VAPB: variants seen among roughly 807,000 people sequenced by gnomAD.
VAPB encodes the protein VAMP associated protein B and C.
In VAPB, 7 loss-of-function variants were observed where a neutral mutation model predicts 25.6. The observed-to-expected ratio is 0.27, with a 90% CI of 0.16 to 0.51. The LOEUF (loss-of-function observed/expected upper bound fraction) is 0.51. Among genes scored for constraint, VAPB ranks in the 20% least tolerant of loss-of-function variants. VAPB has a pLI of 0.97. For synonymous variants in VAPB, 112 were observed against 109.2 expected (o/e 1.03, Z -0.16); for missense variants, 266 against 301.3 (o/e 0.88, Z 0.87).
rs1276370340 is a variant in VAPB at position 58,446,674 on chromosome 20, C to G, written c.*2439C>G. On this transcript the variant is annotated 3_prime_UTR_variant, in exon 6 of 6. Transcript: ENST00000475243. The stretch of plus-strand genomic sequence containing the variant: ...AGCTAAAAATCAGTCTCTGAAGTCT[C>G]TCTCCCTTCTAGAGGTTAGGACTTG... 3 of 454,066 alleles carry G rather than the reference C, an allele frequency of 6.6e-6. No homozygotes were observed. Among genetic ancestry groups the G allele is most frequent in the South Asian group, 3.1e-5 (2 of 64,468 alleles). 28.1% of individuals were successfully genotyped at this position (454,066 alleles called of 1,614,324 possible). A position where few individuals can be genotyped will look rare whatever the true frequency, so the allele number is the denominator to read the frequency against.
rs1343034228 is a variant in VAPB, at chr20:58,442,065, C to T, written c.573+982C>T. Among the ~76,000 whole-genome samples the T allele has an allele frequency of 2.6e-5, 4 of 152,296 alleles. No individual in the cohort carries two copies. The East Asian group carries it at 7.7e-4, about 29-fold the overall frequency. On this transcript the variant is annotated intron_variant, in intron 5 of 5. Coordinates refer to ENST00000475243, the MANE Select transcript of VAPB (RefSeq NM_004738.5). The stretch of plus-strand genomic sequence containing the variant: ...CTTGTGGTGGTGTGGAAGTTGCTCC[C>T]ATCCAATATGAAACAGCTCTGAATC...
intron 2 of VAPB, among the ~76,000 whole-genome samples, chr20:58,430,445 A>G (rs1419882845): frequency 1.3e-5 from 2 of 152,054 alleles, no homozygotes; most frequent in African/African-American, 4.8e-5. Context: ...TATTTTCAGT[A>G]GAGACAGGTT....
At chr20:58,413,650 G>A (rs1048057255) in intron 1 of VAPB, among the ~76,000 whole-genome samples, 364 of 151,880 alleles carry the variant, frequency 2.4e-3, no homozygotes, top group Non-Finnish European at 3.7e-3. Flanking sequence ...CGTTCTCAAT[G>A]AGCTGTTGGG....
rs1433896499 is a variant in VAPB, at chr20:58,446,910, A to G, written c.*2675A>G. 2.2e-6 allele frequency: 1 copy of G among 453,996 alleles called. No homozygotes were observed. The highest frequency in any genetic ancestry group is 4.4e-6 in the Non-Finnish European group (1 of 226,772). 28.1% of individuals were successfully genotyped at this position (453,996 alleles called of 1,614,324 possible). A position where few individuals can be genotyped will look rare whatever the true frequency, so the allele number is the denominator to read the frequency against. ...GTGTTTTCCCTAGAATTACATAATGAAAAAAAGAATAAGGCAAAGAGGAGG... is the reference window on the plus strand; with the variant it reads ...GTGTTTTCCCTAGAATTACATAATGGAAAAAAGAATAAGGCAAAGAGGAGG... On this transcript the variant is annotated 3_prime_UTR_variant, in exon 6 of 6. Coordinates refer to ENST00000475243, the MANE Select transcript of VAPB (RefSeq NM_004738.5).
chr20:58,419,204 C>T (rs1047095357), intron 2 of VAPB, among the ~76,000 whole-genome samples: 1 of 152,172 alleles, frequency 6.6e-6, no homozygotes, highest in African/African-American at 2.4e-5. Context: ...GAGTATCTCT[C>T]TGGCTTTTTC....
intron 1 of VAPB, among the ~76,000 whole-genome samples, chr20:58,414,973 G>A (rs1443965011): frequency 6.6e-6 from 1 of 152,246 alleles, no homozygotes; most frequent in Non-Finnish European, 1.5e-5. Flanking sequence ...CTGCAATCCC[G>A]GCACGTCGGG....
At chr20:58,417,780 C>G (rs1477607378) in intron 1 of VAPB, among the ~76,000 whole-genome samples, 1 of 152,194 alleles carries the variant, frequency 6.6e-6, no homozygotes, top group African/African-American at 2.4e-5. Context: ...TTTACGCTCT[C>G]CCTGTTAGAT....
At chr20:58,426,265 A>T (rs1003704820) in intron 2 of VAPB, among the ~76,000 whole-genome samples, 4 of 152,078 alleles carry the variant, frequency 2.6e-5, no homozygotes, top group African/African-American at 9.7e-5. Context: ...TGCCGCTCTC[A>T]TAGCTCACTG....
rs975751600 is a variant in VAPB at position 58,448,888 on chromosome 20, AAGG to A, written c.*4656_*4658del. ...AAGAATATTGCCAGTCCGTCTCGGC[AAGG>A]AGATGATGGGAGCGCTTTATATGGA... On this transcript the variant is annotated 3_prime_UTR_variant, in exon 6 of 6. Transcript: ENST00000475243. 2 of 453,964 alleles carry A rather than the reference AAGG, an allele frequency of 4.4e-6. No individual in the cohort carries two copies. Among genetic ancestry groups the A allele is most frequent in the African/African-American group, 4.0e-5 (2 of 49,992 alleles). The allele number at this position is 453,964 out of a possible 1,614,324, so 28.1% of individuals were successfully genotyped here.
intron 5 of VAPB, among the ~76,000 whole-genome samples, chr20:58,442,260 A>G (rs1989178763): frequency 6.6e-6 from 1 of 152,160 alleles, no homozygotes; most frequent in South Asian, 2.1e-4. Context: ...AGTGATTTTG[A>G]TTTGCCTCAG....
chr20:58,409,563 T>G (rs1988322087), intron 1 of VAPB, among the ~76,000 whole-genome samples: 1 of 152,100 alleles, frequency 6.6e-6, no homozygotes, highest in Non-Finnish European at 1.5e-5. Flanking sequence ...TGAAATATGG[T>G]AATTTGTTTT....
rs1276206017 is a variant in VAPB, at chr20:58,445,492, TTC to T, written c.*1259_*1260del. 8.8e-6 allele frequency: 4 copies of T among 454,376 alleles called. No homozygotes were observed. The highest frequency in any genetic ancestry group is 2.4e-5 in the Admixed American group (1 of 42,546). 28.1% of individuals were successfully genotyped at this position (454,376 alleles called of 1,614,324 possible). On this transcript the variant is annotated 3_prime_UTR_variant, in exon 6 of 6. Transcript: ENST00000475243. ...TTTATGCCATAAAAGACCAACCCAG[TTC>T]TGTTTGACTATGTAGCATCTTGAAA...
intron 1 of VAPB, among the ~76,000 whole-genome samples, chr20:58,414,879 G>C (rs2123053021): frequency 6.6e-6 from 1 of 152,348 alleles, no homozygotes; most frequent in East Asian, 1.9e-4. Context: ...CAGGCGGCTG[G>C]GAGGTGGAGG....
At chr20:58,409,211 G>A (rs1220651610) in intron 1 of VAPB, among the ~76,000 whole-genome samples, 2 of 152,130 alleles carry the variant, frequency 1.3e-5, no homozygotes, top group Non-Finnish European at 2.9e-5. Flanking sequence ...CTGTGTTGAT[G>A]GAGTTTCCAT....
rs1416133060 is a variant in VAPB at position 58,450,426 on chromosome 20, C to T, written c.*6191C>T. 4 of 453,786 alleles carry T rather than the reference C, an allele frequency of 8.8e-6. No homozygotes were observed. Among genetic ancestry groups the T allele is most frequent in the African/African-American group, 8.0e-5 (4 of 49,968 alleles). The allele number at this position is 453,786 out of a possible 1,614,324, so 28.1% of individuals were successfully genotyped here. A position where few individuals can be genotyped will look rare whatever the true frequency, so the allele number is the denominator to read the frequency against. On this transcript the variant is annotated 3_prime_UTR_variant, in exon 6 of 6. Coordinates refer to ENST00000475243, the MANE Select transcript of VAPB (RefSeq NM_004738.5). ...TTTTATATTTTTCATTCGTGTGTAGCCTAAGTAAGGTGACTCAAGATGATA... is the reference window on the plus strand; with the variant it reads ...TTTTATATTTTTCATTCGTGTGTAGTCTAAGTAAGGTGACTCAAGATGATA...
At chr20:58,391,180 A>G (rs754266385) in intron 1 of VAPB, among the ~76,000 whole-genome samples, 3 of 152,182 alleles carry the variant, frequency 2.0e-5, no homozygotes, top group Non-Finnish European at 2.9e-5. Context: ...TGGTGGGTTC[A>G]TTCGGTTAGT....
At chr20:58,395,782 G>A (rs138515791) in intron 1 of VAPB, among the ~76,000 whole-genome samples, 101 of 152,276 alleles carry the variant, frequency 6.6e-4, no homozygotes, top group African/African-American at 2.2e-3. Flanking sequence ...TGCTCAGTGG[G>A]TATGTGCGTT....
Position 58,451,097 on chromosome 20 carries a change from T to C in VAPB, c.*6862T>C, listed in dbSNP as rs1270842098. ...AATAAATTCTGTGCTCTGAATATAT[T>C]TAAAGGATGCTTCAGTGTAAAATTA... On this transcript the variant is annotated 3_prime_UTR_variant, in exon 6 of 6. Coordinates refer to ENST00000475243, the MANE Select transcript of VAPB (RefSeq NM_004738.5). 5.1e-6 allele frequency: 2 copies of C among 389,458 alleles called. No individual in the cohort carries two copies. The highest frequency in any genetic ancestry group is 6.5e-5 in the Admixed American group (2 of 30,696). The allele number at this position is 389,458 out of a possible 1,614,324, so 24.1% of individuals were successfully genotyped here. A position where few individuals can be genotyped will look rare whatever the true frequency, so the allele number is the denominator to read the frequency against.
chr20:58,441,996 T>C (rs1017727855), intron 5 of VAPB, among the ~76,000 whole-genome samples: 2 of 152,134 alleles, frequency 1.3e-5, no homozygotes. Context: ...AAGGTTGTAT[T>C]GTACTGAGTG....
Sources: allele counts gnomAD v4.1 joint callset (sites outside exome capture counted in the v4.1 genomes callset), GRCh38; gene constraint gnomAD v4.1.1; transcripts MANE v1.5; gene names NCBI Gene and HGNC (gene_info 2026-07-23, HGNC 2026-07-21).